USB1: variants seen among roughly 807,000 people sequenced by gnomAD.
The protein encoded by USB1 is U6 snRNA biogenesis phosphodiesterase 1.
Under a neutral mutation model 29.9 loss-of-function variants are expected in USB1, and 21 were observed. That is an observed-to-expected ratio of 0.70 (90% CI 0.50 to 1.01). USB1 has a LOEUF of 1.01. Among genes scored for constraint, USB1 ranks in the 50% least tolerant of loss-of-function variants. The pLI is 0.00. For synonymous variants in USB1, 143 were observed against 134.9 expected (o/e 1.06, Z -0.42); for missense variants, 330 against 347.1 (o/e 0.95, Z 0.39).
At chr16:58,005,521 T>G (rs1178476007) in intron 2 of USB1, among the ~76,000 whole-genome samples, 4 of 152,176 alleles carry the variant, frequency 2.6e-5, no homozygotes, top group African/African-American at 9.6e-5. Flanking sequence ...AGCTCCTATC[T>G]CTGTATGGCC....
chr16:58,017,958 G>A (rs1169572259), intron 5 of USB1, among the ~76,000 whole-genome samples: 1 of 152,224 alleles, frequency 6.6e-6, no homozygotes, highest in East Asian at 1.9e-4. Flanking sequence ...TTCAAAACTT[G>A]AGACTTTGGG....
At chr16:58,009,546 C>T (rs1183220856) in intron 2 of USB1, among the ~76,000 whole-genome samples, 2 of 151,496 alleles carry the variant, frequency 1.3e-5, no homozygotes, top group African/African-American at 4.9e-5. Flanking sequence ...GGTGAAACCC[C>T]GTCTCTACTA....
intron 2 of USB1, among the ~76,000 whole-genome samples, chr16:58,006,482 AC>A (rs34970740): frequency 0.99 from 150,402 of 152,014 alleles, 74,408 homozygotes; most frequent in East Asian, 1. Flanking sequence ...ACATGGCGAA[AC>A]CCCCATCTCT....
chr16:58,018,783 A>G (rs1242503618), intron 5 of USB1, among the ~76,000 whole-genome samples, 189 bp from the exon 6 acceptor site: 1 of 152,146 alleles, frequency 6.6e-6, no homozygotes, highest in Non-Finnish European at 1.5e-5. Context: ...AGTCCATAGC[A>G]AGGACCAGTC....
rs373657742 is a variant in USB1 at position 58,001,503 on chromosome 16, T to C, written c.20T>C (p.Val7Ala). MSAAPLVGYSSSGSEDE... is the reference protein window; with the variant it reads MSAAPLAGYSSSGSEDE... ...GGCCCCATGAGCGCGGCGCCCCTGGTGGGCTACAGCAGCAGCGGCTCCGAG... is the reference window on the plus strand; with the variant it reads ...GGCCCCATGAGCGCGGCGCCCCTGGCGGGCTACAGCAGCAGCGGCTCCGAG... Residue 7 changes from valine to alanine, a missense_variant, in exon 1 of 7, where the codon GTG (valine) becomes GCG (alanine). Coordinates refer to ENST00000219281, the MANE Select transcript of USB1 (RefSeq NM_024598.4). The C allele has an allele frequency of 3.6e-5, 57 of 1,605,282 alleles. No individual in the cohort carries two copies. Among genetic ancestry groups the C allele is most frequent in the Non-Finnish European group, 4.7e-5 (55 of 1,176,528 alleles).
intron 5 of USB1, 74 bp downstream of exon 5, chr16:58,017,513 G>C: frequency 7.1e-7 from 1 of 1,405,668 alleles, no homozygotes; most frequent in East Asian, 2.4e-5. Context: ...AGAAGCCCTC[G>C]TAAGAGGCAA....
rs1197616236 is a variant in USB1 at position 58,020,570 on chromosome 16, C to T, written c.*325C>T. 4.6e-4 allele frequency: 173 copies of T among 378,552 alleles called. 1 individual carries two copies. Among genetic ancestry groups the T allele is most frequent in the Non-Finnish European group, 6.0e-4 (122 of 203,042 alleles). The allele number at this position is 378,552 out of a possible 1,614,324, so 23.4% of individuals were successfully genotyped here. A position where few individuals can be genotyped will look rare whatever the true frequency, so the allele number is the denominator to read the frequency against. On this transcript the variant is annotated 3_prime_UTR_variant, in exon 7 of 7. Transcript: ENST00000219281. ...CTGTCTCTCCTCCCCTCCTCTCTTCCTCTCCTCTCTCTTCCTCTCCTCTCT... is the reference window on the plus strand; with the variant it reads ...CTGTCTCTCCTCCCCTCCTCTCTTCTTCTCCTCTCTCTTCCTCTCCTCTCT...
rs765469310 is a variant in USB1, at chr16:58,001,498, C to T, written c.15C>T (p.Pro5=). 4.4e-6 allele frequency: 7 copies of T among 1,604,190 alleles called. No homozygotes were observed. In the South Asian group the frequency reaches 7.8e-5, roughly 18 times the overall value. Residue 5 remains proline (P), a synonymous_variant, in exon 1 of 7, where the codon CCC becomes CCT. Coordinates refer to ENST00000219281, the MANE Select transcript of USB1 (RefSeq NM_024598.4). ...GATGAGGCCCCATGAGCGCGGCGCCCCTGGTGGGCTACAGCAGCAGCGGCT... is the reference window on the plus strand; with the variant it reads ...GATGAGGCCCCATGAGCGCGGCGCCTCTGGTGGGCTACAGCAGCAGCGGCT... MSAA[P]LVGYSSSGSE...
chr16:58,007,936 T>C (rs1963400347), intron 2 of USB1, among the ~76,000 whole-genome samples: 1 of 152,116 alleles, frequency 6.6e-6, no homozygotes, highest in Non-Finnish European at 1.5e-5. Context: ...TGAACCAAGA[T>C]TGCACCACCG....
upstream of USB1, chr16:58,001,366 C>T: frequency 8.1e-7 from 1 of 1,230,950 alleles, no homozygotes; most frequent in Non-Finnish European, 1.2e-6. Context: ...CCCGGCTCCG[C>T]CCCGAGGCGG....
At chr16:58,004,769 T>A (rs1963311887) in intron 2 of USB1, among the ~76,000 whole-genome samples, 1 of 152,272 alleles carries the variant, frequency 6.6e-6, no homozygotes, top group East Asian at 1.9e-4. Context: ...CCCCACTGGG[T>A]CGGTGGGTTT....
At chr16:58,018,224 C>CTTTTT (rs1179959137) in intron 5 of USB1, among the ~76,000 whole-genome samples, 2 of 130,098 alleles carry the variant, frequency 1.5e-5, no homozygotes, top group East Asian at 2.3e-4. Flanking sequence ...TGGTTGATGT[C>CTTTTT]TTTTTTTTTT....
rs570503152 is a variant in USB1, at chr16:58,020,785, T to C, written c.*540T>C. ...CTCTCTTGCTTTCTTCTCTCTCTCC[T>C]GTCTCGGCTGTTGTGGGTTGCAGGT... On this transcript the variant is annotated 3_prime_UTR_variant, in exon 7 of 7. Transcript: ENST00000219281. 1.4e-4 allele frequency: 25 copies of C among 181,196 alleles called. No homozygotes were observed. The East Asian group carries it at 3.3e-3, about 24-fold the overall frequency. The allele number at this position is 181,196 out of a possible 1,614,324, so 11.2% of individuals were successfully genotyped here.
rs776019365 is a variant in USB1, at chr16:58,010,065, C to G, written c.402C>G (p.Ile134Met). 6.2e-7 allele frequency: 1 copy of G among 1,614,122 alleles called. No homozygotes were observed. Residue 134 changes from isoleucine to methionine, a missense_variant, in exon 3 of 7, where the codon ATC becomes ATG. Coordinates refer to ENST00000219281, the MANE Select transcript of USB1 (RefSeq NM_024598.4). ...GTGTGGTTCTGCGCCACCACTGGATCCTCCCCTTCGTGCAGGCTCTGAAAG... is the reference window on the plus strand; with the variant it reads ...GTGTGGTTCTGCGCCACCACTGGATGCTCCCCTTCGTGCAGGCTCTGAAAG... ...SQSVVLRHHW[I>M]LPFVQALKAR...
At chr16:58,016,083 A>T (rs1160345935) in intron 4 of USB1, 1 of 152,976 alleles carries the variant, frequency 6.5e-6, no homozygotes, top group Non-Finnish European at 1.5e-5. Flanking sequence ...GCAAGAGTGG[A>T]TGCAGGGAAA....
At chr16:58,011,447 C>T (rs2142304597) in intron 3 of USB1, 1 of 1,075,460 alleles carries the variant, frequency 9.3e-7, no homozygotes, top group Non-Finnish European at 1.1e-6. Context: ...ACCAGAAATG[C>T]ATCTCCTGCT....
At chr16:58,012,108 A>C (rs959850659) in intron 3 of USB1, 4 of 1,393,268 alleles carry the variant, frequency 2.9e-6, no homozygotes, top group Admixed American at 3.0e-5. Context: ...AGGCCCAGGA[A>C]TTCCATAGGA....
chr16:58,009,741 T>TAATTAATA (rs1963445810), intron 2 of USB1, among the ~76,000 whole-genome samples, 188 bp from the exon 3 acceptor site: 1 of 149,972 alleles, frequency 6.7e-6, no homozygotes, highest in Non-Finnish European at 1.5e-5. Context: ...AAAAAAATAA[T>TAATTAATA]AATAAATAAA....
intron 5 of USB1, among the ~76,000 whole-genome samples, chr16:58,018,108 A>G (rs1419884920): frequency 6.6e-6 from 1 of 152,164 alleles, no homozygotes; most frequent in East Asian, 1.9e-4. Context: ...CGACTGTCTT[A>G]GCTCAGGCTG....
Sources: gnomAD v4.1 joint callset for allele counts (sites outside exome capture counted in the v4.1 genomes callset) on GRCh38, gnomAD v4.1.1 for gene constraint, MANE v1.5 for transcripts, NCBI Gene and HGNC (gene_info 2026-07-23, HGNC 2026-07-21) for gene names.